Variants in PIGT observed in about 807,000 individuals in gnomAD.
PIGT encodes GPI-anchor transamidase component PIGT.
In PIGT, 57 loss-of-function variants were observed where a neutral mutation model predicts 66.7. That is an observed-to-expected ratio of 0.86 (90% CI 0.69 to 1.07). The LOEUF is 1.07. Ranked by LOEUF, PIGT falls within the 50% of genes least tolerant of loss-of-function variation. The probability of loss-of-function intolerance (pLI) is 0.00; values close to 1 mark genes in which losing one functional copy is unlikely to be tolerated. For missense variants in PIGT, 725 were observed against 740.4 expected, an observed-to-expected ratio of 0.98 and a Z score of 0.24; for synonymous variants, 362 against 320.5, an observed-to-expected ratio of 1.13 and a Z score of -1.38.
At chr20:45,416,770 C>T (rs777413464) in intron 2 of PIGT, 76 bp downstream of exon 2, 127 of 1,346,788 alleles carry the variant, frequency 9.4e-5, no homozygotes, top group Non-Finnish European at 1.2e-4. Flanking sequence ...CCTGCCACTG[C>T]TCTTGGGGAC....
rs35279519 is a variant in PIGT at position 45,416,315 on chromosome 20, C to A, written c.159C>A (p.Arg53=). 6.3e-7 allele frequency: 1 copy of A among 1,594,488 alleles called. No homozygotes were observed. ...DVAATFQFRT[R]WDSELQREGV... The stretch of plus-strand genomic sequence containing the variant: ...CCGCCACATTCCAGTTCCGCACGCG[C>A]TGGGATTCGGAGCTTCAGCGGGAAG... Residue 53 remains arginine, a synonymous_variant, in exon 1 of 12, where the codon CGC becomes CGA. Transcript: ENST00000279036.
chr20:45,421,093 A>G (rs939103169), intron 8 of PIGT: 3 of 531,820 alleles, frequency 5.6e-6, no homozygotes, highest in Non-Finnish European at 1.0e-5. Flanking sequence ...AGTTGTGTTC[A>G]GTTCCCTTAC....
At position 45,425,870 on chromosome 20, in the gene PIGT, G is replaced by A. The variant is rs771853990; in HGVS notation, c.*44G>A. On this transcript the variant is annotated 3_prime_UTR_variant, in exon 12 of 12. Coordinates refer to ENST00000279036, the MANE Select transcript of PIGT (RefSeq NM_015937.6). ...GCTGCAGCTGCCGTTTCTCTCTGGG[G>A]AGGGGAGCCCAAGGGCTGTTTCTGC... 3 of 1,595,144 alleles carry A rather than the reference G, an allele frequency of 1.9e-6. No homozygotes were observed. Among genetic ancestry groups the A allele is most frequent in the Non-Finnish European group, 2.6e-6 (3 of 1,170,604 alleles).
chr20:45,425,060 A>G (rs1010447190), intron 11 of PIGT: 6 of 160,970 alleles, frequency 3.7e-5, no homozygotes, highest in Admixed American at 3.5e-4. Flanking sequence ...GAAAGAAGCA[A>G]CCAAGCAAAG....
At chr20:45,420,957 C>G in intron 8 of PIGT, 1 of 558,202 alleles carries the variant, frequency 1.8e-6, no homozygotes, top group Non-Finnish European at 3.2e-6. Flanking sequence ...CATGCATTTG[C>G]TTAATCAACC....
chr20:45,425,285 A>T (rs560389233), intron 11 of PIGT, among the ~76,000 whole-genome samples: 1 of 149,972 alleles, frequency 6.7e-6, no homozygotes, highest in East Asian at 2.0e-4. Context: ...GGTTTGTTAC[A>T]TAGGTATATA....
At chr20:45,418,496 CTG>C (rs1409174305) in intron 2 of PIGT, 2 of 343,890 alleles carry the variant, frequency 5.8e-6, no homozygotes, top group Admixed American at 4.2e-5. Context: ...ACAGAGGAGA[CTG>C]TGCTTAAGGA....
intron 5 of PIGT, 120 bp from the exon 6 acceptor site, chr20:45,420,016 T>C (rs1057074356): frequency 1.4e-6 from 1 of 725,172 alleles, no homozygotes; most frequent in African/African-American, 1.7e-5. Flanking sequence ...GAGTGGGTGG[T>C]AGCAAATCGA....
chr20:45,424,807 A>G, intron 11 of PIGT: 1 of 571,046 alleles, frequency 1.8e-6, no homozygotes, highest in Non-Finnish European at 3.1e-6. Flanking sequence ...TACAGCCTAC[A>G]TTTACTTCTT....
intron 5 of PIGT, 58 bp downstream of exon 5, chr20:45,419,648 A>C (rs938785856): frequency 6.6e-6 from 8 of 1,206,126 alleles, no homozygotes; most frequent in Non-Finnish European, 9.9e-6. Context: ...GGTACATGTA[A>C]AGCATGTGGT....
At position 45,416,520 on chromosome 20, in the gene PIGT, C is replaced by T; in HGVS notation, c.191C>T (p.Ser64Phe). 5.6e-6 allele frequency: 9 copies of T among 1,613,820 alleles called. No individual in the cohort carries two copies. The South Asian group carries it at 8.8e-5, about 16-fold the overall frequency. ...TCACCTGCTCCCGTTTCCCCAGTGT[C>T]CCATTACAGGCTCTTTCCCAAAGCC... is the stretch of plus-strand genomic sequence containing the variant. ...WDSELQREGV[S>F]HYRLFPKALG... Residue 64 changes from serine to phenylalanine, a missense_variant, in exon 2 of 12, where the codon TCC becomes TTC. Ser to Phe is a radical substitution (Grantham distance 155). Coordinates refer to ENST00000279036, the MANE Select transcript of PIGT (RefSeq NM_015937.6).
rs757192034 is a variant in PIGT at position 45,420,545 on chromosome 20, G to C, written c.885G>C (p.Glu295Asp). 6.2e-7 allele frequency: 1 copy of C among 1,613,678 alleles called. No individual in the cohort carries two copies. The highest frequency in any genetic ancestry group is 2.2e-5 in the East Asian group (1 of 44,802). ...GTCCCCAGGACAACGAGACATTAGA[G>C]GTGCACCCACCCCCGACCACTACAT... ...TTYNQDNETL[E>D]VHPPPTTTYQ... Residue 295 changes from glutamate (E) to aspartate (D), a missense_variant, in exon 8 of 12, where the codon GAG (glutamate) becomes GAC (aspartate). By Grantham distance (45) the Glu-to-Asp change is conservative. This residue lies in a region of PIGT where 559 missense variants were observed against 552.7 expected (regional missense o/e 1.01). Coordinates refer to ENST00000279036, the MANE Select transcript of PIGT (RefSeq NM_015937.6).
chr20:45,423,947 C>G, intron 9 of PIGT: 1 of 458,066 alleles, frequency 2.2e-6, no homozygotes, highest in Non-Finnish European at 4.0e-6. Flanking sequence ...CACTTGGTGT[C>G]TGGTGCCCCA....
Position 45,416,647 on chromosome 20 carries a change from C to T in PIGT, c.318C>T (p.Ala106=). Residue 106 remains alanine (A), a synonymous_variant, in exon 2 of 12, where the codon GCC becomes GCT. Transcript: ENST00000279036. Reference sequence around the variant, plus strand: ...ACTGGGGGCCACCCTTCCTGCAGGCCCCATCAGGTGCAGAGCTGTGGGTCT... The same window carrying T: ...ACTGGGGGCCACCCTTCCTGCAGGCTCCATCAGGTGCAGAGCTGTGGGTCT... ...TRYWGPPFLQ[A]PSGAELWVWF... The T allele has an allele frequency of 6.2e-7, 1 of 1,614,094 alleles. No individual in the cohort carries two copies. Among genetic ancestry groups the T allele is most frequent in the Non-Finnish European group, 8.5e-7 (1 of 1,180,020 alleles).
chr20:45,419,270 C>A, intron 3 of PIGT, 25 bp from the exon 4 acceptor site: 1 of 1,586,934 alleles, frequency 6.3e-7, no homozygotes, highest in Non-Finnish European at 8.7e-7. Flanking sequence ...AAGGCCCACC[C>A]CAGACAGACC....
Position 45,425,594 on chromosome 20 carries a change from C to T in PIGT, c.1505C>T (p.Ser502Phe). The T allele has an allele frequency of 6.2e-7, 1 of 1,613,884 alleles. No homozygotes were observed. The highest frequency in any genetic ancestry group is 8.5e-7 in the Non-Finnish European group (1 of 1,180,014). ...FNSLFPVSDG[S>F]NYFVRLYTEP... The stretch of plus-strand genomic sequence containing the variant: ...CCCAGGTTCCCAGTCTCTGATGGCT[C>T]TAACTACTTTGTGCGGCTCTACACG... The change falls in exon 12 of 12, where the codon TCT (serine) becomes TTT (phenylalanine). Residue 502 changes from serine (S) to phenylalanine (F), a missense_variant. This residue lies in a region of PIGT where 162 missense variants were observed against 171.1 expected (regional missense o/e 0.95). Transcript: ENST00000279036.
rs779996636 is a variant in PIGT at position 45,419,321 on chromosome 20, G to A, written c.520G>A (p.Ala174Thr). The change falls in exon 4 of 12, where the codon GCT (alanine) becomes ACT (threonine). Residue 174 changes from alanine (A) to threonine (T), a missense_variant. Transcript: ENST00000279036. ...CACTGACCACTACTTTCTGCGCTATGCTGTGCTGCCGCGGGAGGTGGTCTG... is the reference window on the plus strand; with the variant it reads ...CACTGACCACTACTTTCTGCGCTATACTGTGCTGCCGCGGGAGGTGGTCTG... ...NDTDHYFLRY[A>T]VLPREVVCTE... 2 of 1,614,150 alleles carry A rather than the reference G, an allele frequency of 1.2e-6. No individual in the cohort carries two copies. The highest frequency in any genetic ancestry group is 1.1e-5 in the South Asian group (1 of 91,084).
At chr20:45,419,681 G>C in intron 5 of PIGT, 91 bp downstream of exon 5, 1 of 891,470 alleles carries the variant, frequency 1.1e-6, no homozygotes, top group Non-Finnish European at 1.9e-6. Flanking sequence ...CAGGCTGAGT[G>C]AGTACTGAGT....
intron 11 of PIGT, among the ~76,000 whole-genome samples, chr20:45,425,293 A>G (rs1990672306): frequency 6.6e-6 from 1 of 151,038 alleles, no homozygotes; most frequent in African/African-American, 2.4e-5. Context: ...ACATAGGTAT[A>G]TATGTGCCAC....
Sources: gnomAD v4.1 joint callset for allele counts (sites outside exome capture counted in the v4.1 genomes callset) on GRCh38, gnomAD v4.1.1 for gene constraint, gnomAD v4.1.1 regional missense constraint, MANE v1.5 for transcripts, NCBI Gene and HGNC (gene_info 2026-07-23, HGNC 2026-07-21) for gene names.